Variants in TTC7A observed in about 807,000 individuals in gnomAD.
TTC7A encodes tetratricopeptide repeat protein 7A.
A neutral mutation model predicts 103.7 loss-of-function variants in TTC7A; 110 were observed. The observed-to-expected ratio is 1.06, with a 90% confidence interval of 0.91 to 1.24. The LOEUF is 1.24. TTC7A is among the 50% of genes most tolerant of loss of function. The pLI is 0.00. For missense variants in TTC7A, 1,340 were observed against 1,116.3 expected (o/e 1.20, Z -2.86); for synonymous variants, 521 against 467.9 (o/e 1.11, Z -1.47).
chr2:46,995,536 C>T (rs1676093180), intron 8 of TTC7A, among the ~76,000 whole-genome samples: 1 of 152,150 alleles, frequency 6.6e-6, no homozygotes, highest in Non-Finnish European at 1.5e-5. Context: ...GGTGCTGTGA[C>T]AGATTTGAGA....
At chr2:46,919,376 A>G (rs536854724) in intron 2 of TTC7A, among the ~76,000 whole-genome samples, 1 of 152,288 alleles carries the variant, frequency 6.6e-6, no homozygotes, top group Admixed American at 6.5e-5. Flanking sequence ...TCTACTAAAA[A>G]TACAAAATTA....
intron 15 of TTC7A, among the ~76,000 whole-genome samples, chr2:47,031,128 C>T (rs1558602670): frequency 6.6e-6 from 1 of 152,170 alleles, no homozygotes. Context: ...GCCTGGGCGA[C>T]AGAGCGAGAC....
intron 11 of TTC7A, among the ~76,000 whole-genome samples, chr2:47,014,690 G>T (rs1678452762): frequency 6.6e-6 from 1 of 152,358 alleles, no homozygotes; most frequent in East Asian, 1.9e-4. Flanking sequence ...TGCCTTCGCA[G>T]TTATTCTGGC....
chr2:47,016,691 G>A (rs1678691185), intron 11 of TTC7A, among the ~76,000 whole-genome samples: 4 of 152,218 alleles, frequency 2.6e-5, no homozygotes, highest in Admixed American at 2.6e-4. Flanking sequence ...TGCTGCAGAA[G>A]CAGCAGCCTG....
chr2:46,926,093 G>A (rs1250994869), intron 2 of TTC7A, among the ~76,000 whole-genome samples: 1 of 152,108 alleles, frequency 6.6e-6, no homozygotes, highest in Non-Finnish European at 1.5e-5. Flanking sequence ...TTCCCACCCT[G>A]CCCCCTCATC....
At chr2:46,944,374 G>GGTT (rs1553364975) in intron 1 of TTC7A, among the ~76,000 whole-genome samples, 1 of 88,944 alleles carries the variant, frequency 1.1e-5, no homozygotes, top group African/African-American at 4.5e-5. Flanking sequence ...GGTATTTTGG[G>GGTT]TTTTTTTTTT....
chr2:46,998,758 G>A (rs767726455), intron 8 of TTC7A, among the ~76,000 whole-genome samples: 3 of 152,294 alleles, frequency 2.0e-5, no homozygotes, highest in Middle Eastern at 3.4e-3. Context: ...AGGCCTCCTT[G>A]TTTTGTGGTT....
In TTC7A at chr2:47,020,615, G is replaced by A. The variant is rs965738105; in HGVS notation, c.1393-1247G>A. ...TAGGGCTGCTCTGGTCAGCTGAGTCGGGCATGGTGGGCAGACAGCCTCTCC... is the reference window on the plus strand; with the variant it reads ...TAGGGCTGCTCTGGTCAGCTGAGTCAGGCATGGTGGGCAGACAGCCTCTCC... On this transcript the variant is annotated intron_variant, in intron 11 of 19. Transcript: ENST00000319190. 3.3e-5 allele frequency among the ~76,000 whole-genome samples: 5 copies of A among 152,236 alleles called. No individual in the cohort carries two copies. The South Asian group carries it at 6.2e-4, about 19-fold the overall frequency.
At chr2:47,022,504 G>T (rs1177654866) in intron 12 of TTC7A, among the ~76,000 whole-genome samples, 1 of 152,084 alleles carries the variant, frequency 6.6e-6, no homozygotes, top group African/African-American at 2.4e-5. Flanking sequence ...CCCACACCTG[G>T]CCTTCTCTTG....
intron 2 of TTC7A, chr2:46,951,822 C>G: frequency 2.8e-6 from 1 of 361,624 alleles, no homozygotes. Flanking sequence ...CAAGACGAAT[C>G]CAGCATGGAC....
chr2:47,003,643 C>T (rs1677070961), intron 8 of TTC7A, among the ~76,000 whole-genome samples: 1 of 152,180 alleles, frequency 6.6e-6, no homozygotes. Flanking sequence ...AAGCTTCTTC[C>T]CACCCCTGCA....
Position 47,011,315 on chromosome 2 carries a change from C to T in TTC7A, c.1288-16C>T. On this transcript the variant is annotated splice_polypyrimidine_tract_variant and intron_variant, in intron 10 of 19. Transcript: ENST00000319190. The stretch of plus-strand genomic sequence containing the variant: ...GGACTGTGAGTGACAGTGTTTCCTG[C>T]TCTTTTTTTCTGCAGTCAGCCTACG... 6.2e-7 allele frequency: 1 copy of T among 1,610,380 alleles called. No homozygotes were observed. The highest frequency in any genetic ancestry group is 8.5e-7 in the Non-Finnish European group (1 of 1,177,636).
intron 3 of TTC7A, among the ~76,000 whole-genome samples, chr2:46,960,918 C>T (rs1333699521): frequency 6.6e-6 from 1 of 152,250 alleles, no homozygotes. Flanking sequence ...GTAGGGGCTA[C>T]AGCCCTGGTG....
intron 8 of TTC7A, among the ~76,000 whole-genome samples, chr2:47,001,627 C>T (rs957206108): frequency 1.3e-5 from 2 of 152,042 alleles, no homozygotes; most frequent in African/African-American, 2.4e-5. Flanking sequence ...GAGGCCGAGG[C>T]GGGCGGATCA....
chr2:47,000,671 G>T (rs1259368925), intron 8 of TTC7A, among the ~76,000 whole-genome samples: 1 of 152,170 alleles, frequency 6.6e-6, no homozygotes, highest in Non-Finnish European at 1.5e-5. Flanking sequence ...CTCCAGGGAG[G>T]GGGCAGGTGC....
chr2:46,986,191 G>A (rs1674988987), intron 5 of TTC7A, among the ~76,000 whole-genome samples: 1 of 152,230 alleles, frequency 6.6e-6, no homozygotes, highest in Non-Finnish European at 1.5e-5. Flanking sequence ...TTAAAGGGCT[G>A]TGGAGTCAGG....
At chr2:47,071,589 A>G (rs1323158955) in intron 19 of TTC7A, among the ~76,000 whole-genome samples, 2 of 152,238 alleles carry the variant, frequency 1.3e-5, no homozygotes, top group African/African-American at 2.4e-5. Context: ...CACAGCTCAG[A>G]GAAAGTTGGC....
chr2:46,993,067 A>G (rs1371110101), intron 5 of TTC7A, among the ~76,000 whole-genome samples: 1 of 152,238 alleles, frequency 6.6e-6, no homozygotes, highest in Non-Finnish European at 1.5e-5. Context: ...ATCCAGCATC[A>G]ATCGGATACA....
intron 18 of TTC7A, among the ~76,000 whole-genome samples, chr2:47,056,026 C>T (rs1683286472): frequency 6.6e-6 from 1 of 151,924 alleles, no homozygotes; most frequent in Non-Finnish European, 1.5e-5. Flanking sequence ...CCCAGCTTCC[C>T]GAGTCAGCGA....
Sources: gnomAD v4.1 joint callset for allele counts (sites outside exome capture counted in the v4.1 genomes callset) on GRCh38, gnomAD v4.1.1 for gene constraint, MANE v1.5 for transcripts, NCBI Gene and HGNC (gene_info 2026-07-23, HGNC 2026-07-21) for gene names.